The following DNAH3 variants were observed in gnomAD, a reference collection of about 807,000 sequenced individuals.
DNAH3 encodes dynein axonemal heavy chain 3.
A neutral mutation model predicts 432.5 loss-of-function variants in DNAH3; 332 were observed. The ratio of observed to expected loss-of-function variants is 0.77; its 90% CI spans 0.70 to 0.84. DNAH3 has a LOEUF of 0.84. Ranked by LOEUF, DNAH3 falls within the 40% of genes least tolerant of loss-of-function variation. The pLI, the probability that DNAH3 is intolerant of heterozygous loss-of-function variation, is 0.00. For synonymous variants in DNAH3, 1,956 were observed against 1,900.2 expected, an observed-to-expected ratio of 1.03 and a Z score of -0.76; for missense variants, 4,861 against 5,114.0, an observed-to-expected ratio of 0.95 and a Z score of 1.51.
intron 39 of DNAH3, among the ~76,000 whole-genome samples, chr16:21,023,093 TAAG>T (rs775205634): frequency 6.6e-6 from 1 of 152,200 alleles, no homozygotes; most frequent in Non-Finnish European, 1.5e-5. Flanking sequence ...ACATTTTTTT[TAAG>T]AAGTAGGAAG....
At chr16:20,969,268 C>CTG (rs2085214293) in intron 52 of DNAH3, among the ~76,000 whole-genome samples, 1 of 148,514 alleles carries the variant, frequency 6.7e-6, no homozygotes, top group Non-Finnish European at 1.5e-5. Flanking sequence ...ATGTGCATGT[C>CTG]TCTGTGTGCA....
chr16:21,081,146 T>C (rs1253731140), intron 20 of DNAH3, among the ~76,000 whole-genome samples: 1 of 152,078 alleles, frequency 6.6e-6, no homozygotes, highest in Non-Finnish European at 1.5e-5. Flanking sequence ...CTTGAACTCC[T>C]GACCTCAAGT....
chr16:20,933,196 C>A (rs2083470098), exon 62 of DNAH3: 1 of 1,614,110 alleles, frequency 6.2e-7, no homozygotes, highest in Admixed American at 1.7e-5. Context: ...CTCGGTTTAT[C>A]CAGTGCTTCT....
chr16:20,941,368 C>A, intron 59 of DNAH3, 33 bp downstream of exon 59: 1 of 1,612,384 alleles, frequency 6.2e-7, no homozygotes, highest in Middle Eastern at 1.7e-4. Context: ...CACGTTCCAA[C>A]TCCCAGGATT....
chr16:21,145,692 A>G (rs8058657), intron 2 of DNAH3, among the ~76,000 whole-genome samples: 72,246 of 152,048 alleles, frequency 0.48, 17,662 homozygotes, highest in East Asian at 0.68. Flanking sequence ...TACAAGGTAC[A>G]AGCAATTACC....
intron 24 of DNAH3, 93 bp downstream of exon 24, chr16:21,067,190 A>T: frequency 7.2e-7 from 1 of 1,389,890 alleles, no homozygotes; most frequent in Non-Finnish European, 1.0e-6. Flanking sequence ...TATGGACTAG[A>T]TTGGTTGAAG....
intron 34 of DNAH3, 150 bp from the exon 35 acceptor site, chr16:21,036,998 A>C (rs2089204295): frequency 7.7e-6 from 5 of 652,928 alleles, no homozygotes; most frequent in Non-Finnish European, 1.3e-5. Context: ...CTACAATTAC[A>C]AATGAAAATG....
intron 43 of DNAH3, among the ~76,000 whole-genome samples, chr16:20,998,894 T>C (rs574557263): frequency 3.9e-5 from 6 of 152,162 alleles, no homozygotes; most frequent in Admixed American, 2.0e-4. Context: ...GAAGATAGTA[T>C]TAACTCTATG....
exon 60 of DNAH3, chr16:20,936,702 T>C: frequency 6.2e-7 from 1 of 1,608,740 alleles, no homozygotes; most frequent in South Asian, 1.1e-5. Flanking sequence ...CCCAGAGGCT[T>C]CAGTGATGGG....
chr16:21,036,746 G>C (rs373909267), exon 35 of DNAH3: 74 of 1,613,972 alleles, frequency 4.6e-5, no homozygotes, highest in Non-Finnish European at 6.0e-5. Context: ...CAAGGTACTG[G>C]CTGGAGTTTC....
At chr16:20,969,942 C>A in exon 52 of DNAH3, 1 of 1,614,132 alleles carries the variant, frequency 6.2e-7, no homozygotes, top group Non-Finnish European at 8.5e-7. Flanking sequence ...GCAGCTAGTG[C>A]AGCCTCGAGT....
chr16:21,046,364 T>C (rs1001613472), intron 31 of DNAH3, among the ~76,000 whole-genome samples: 1 of 150,940 alleles, frequency 6.6e-6, no homozygotes, highest in Non-Finnish European at 1.5e-5. Flanking sequence ...TGCTCCTGTA[T>C]TGGGTGCAAA....
intron 18 of DNAH3, among the ~76,000 whole-genome samples, chr16:21,087,912 T>C (rs1435038784): frequency 6.6e-6 from 1 of 152,056 alleles, no homozygotes; most frequent in African/African-American, 2.4e-5. Context: ...TATATGTATT[T>C]TAAAAGCAAA....
At chr16:21,060,526 C>CTTTTTTTTT (rs375746116) in intron 25 of DNAH3, among the ~76,000 whole-genome samples, 170 bp from the exon 26 acceptor site, 2 of 93,432 alleles carry the variant, frequency 2.1e-5, no homozygotes, top group Admixed American at 1.4e-4. Context: ...TTTTTTTTTT[C>CTTTTTTTTT]TTTTTTTTTT....
intron 5 of DNAH3, among the ~76,000 whole-genome samples, chr16:21,138,562 G>C (rs922706363): frequency 6.6e-6 from 1 of 152,194 alleles, no homozygotes; most frequent in African/African-American, 2.4e-5. Context: ...CATAATCCCA[G>C]CACTTTAGGA....
At chr16:21,103,119 G>A (rs2091873680) in intron 16 of DNAH3, among the ~76,000 whole-genome samples, 1 of 152,072 alleles carries the variant, frequency 6.6e-6, no homozygotes, top group Non-Finnish European at 1.5e-5. Flanking sequence ...AAGCTATGAG[G>A]ATGCAAAGGC....
intron 1 of DNAH3, among the ~76,000 whole-genome samples, chr16:21,156,274 C>T (rs888527628): frequency 1.3e-5 from 2 of 149,676 alleles, no homozygotes; most frequent in African/African-American, 2.5e-5. Flanking sequence ...CTTTGTTGCC[C>T]AGGCTAGAGT....
chr16:21,041,440 A>G (rs770153137), intron 32 of DNAH3, among the ~76,000 whole-genome samples: 9 of 152,098 alleles, frequency 5.9e-5, no homozygotes, highest in African/African-American at 2.2e-4. Context: ...GTTGACCTAG[A>G]TGGGAGGAGC....
chr16:21,015,830 C>T (rs563400818), intron 41 of DNAH3, among the ~76,000 whole-genome samples: 42 of 152,012 alleles, frequency 2.8e-4, no homozygotes, highest in African/African-American at 7.7e-4. Flanking sequence ...CTTGCTCTGT[C>T]GCCCAGGTTG....
Sources: gnomAD v4.1 joint callset for allele counts (sites outside exome capture counted in the v4.1 genomes callset) on GRCh38, gnomAD v4.1.1 for gene constraint, MANE v1.5 for transcripts, NCBI Gene and HGNC (gene_info 2026-07-23, HGNC 2026-07-21) for gene names.